DMD: variants seen among roughly 807,000 people sequenced by gnomAD.
DMD encodes the protein mutant dystrophin.
In DMD, 63 loss-of-function variants were observed where a neutral mutation model predicts 330.1. The observed-to-expected ratio is 0.19, with a 90% CI of 0.16 to 0.24. The LOEUF (loss-of-function observed/expected upper bound fraction) is 0.24, where lower values mean the gene tolerates loss of function less well. Among genes scored for constraint, DMD ranks in the 10% least tolerant of loss-of-function variants. The probability of loss-of-function intolerance (pLI) is 1.00; values close to 1 mark genes in which losing one functional copy is unlikely to be tolerated. For synonymous variants in DMD, 1,223 were observed against 959.8 expected, an observed-to-expected ratio of 1.27 and a Z score of -5.07; for missense variants, 3,344 against 2,684.1, an observed-to-expected ratio of 1.25 and a Z score of -5.43.
chrX:31,913,468 T>C (rs932878736), intron 47 of DMD, among the ~76,000 whole-genome samples: 3 of 112,145 alleles, frequency 2.7e-5, no homozygotes, highest in African/African-American at 9.7e-5. Context: ...CCTGCTCTTA[T>C]GTGAATATAC....
At chrX:32,399,659 G>C (rs1317078618) in intron 30 of DMD, among the ~76,000 whole-genome samples, 1 of 111,026 alleles carries the variant, frequency 9.0e-6, no homozygotes, top group African/African-American at 3.3e-5. Context: ...AACCACTATG[G>C]AAAACAAGTT....
chrX:33,288,314 G>A (rs769192945), intron 1 of DMD, among the ~76,000 whole-genome samples: 1 of 111,455 alleles, frequency 9.0e-6, no homozygotes, highest in South Asian at 3.8e-4. Context: ...CCATATTTCC[G>A]AATAGGTTAT....
chrX:31,285,101 A>G (rs2053097489), intron 62 of DMD, among the ~76,000 whole-genome samples: 1 of 112,082 alleles, frequency 8.9e-6, no homozygotes. Flanking sequence ...AAGAATGATC[A>G]TTAGATGATG....
chrX:31,444,499 G>A lies in DMD; in HGVS notation c.9066C>T (p.Thr3022=), dbSNP rs2065148005. The change falls in exon 60 of 79, where the codon ACC becomes ACT. Residue 3022 remains threonine (T), a synonymous_variant. Transcript: ENST00000357033. ...YNLSTLEDLN[T]RWKLLQVAVE... is the part of the protein sequence containing the mutation. ...TGCTTACCTGCAGAAGCTTCCATCT[G>A]GTGTTCAGGTCTTCCAGAGTGCTGA... The A allele has an allele frequency of 8.3e-7, 1 of 1,209,852 alleles. No homozygotes were observed. Among genetic ancestry groups the A allele is most frequent in the Admixed American group, 2.2e-5 (1 of 45,694 alleles).
intron 5 of DMD, among the ~76,000 whole-genome samples, chrX:32,819,501 A>C (rs2078043413): frequency 8.9e-6 from 1 of 111,806 alleles, no homozygotes; most frequent in Non-Finnish European, 1.9e-5. Flanking sequence ...GATGCCAAAC[A>C]CATGTTATAT....
At chrX:31,964,151 A>G (rs756288752) in intron 45 of DMD, among the ~76,000 whole-genome samples, 1 of 111,779 alleles carries the variant, frequency 8.9e-6, no homozygotes, top group South Asian at 3.7e-4. Context: ...CCTAACTTCC[A>G]GTTTACTAGA....
intron 13 of DMD, among the ~76,000 whole-genome samples, chrX:32,588,968 A>C (rs947944388): frequency 9.0e-6 from 1 of 111,332 alleles, no homozygotes; most frequent in African/African-American, 3.3e-5. Context: ...GTTGAGTTTG[A>C]AGTGTTGTTT....
chrX:33,257,255 A>T (rs2052873607), intron 1 of DMD, among the ~76,000 whole-genome samples: 1 of 111,081 alleles, frequency 9.0e-6, no homozygotes, highest in Non-Finnish European at 1.9e-5. Context: ...TTTTCTCAAT[A>T]TGGTAGTTGA....
At chrX:32,754,870 C>G (rs922530991) in intron 7 of DMD, 1 of 111,478 alleles carries the variant, frequency 9.0e-6, no homozygotes, top group Non-Finnish European at 1.9e-5. Flanking sequence ...GACTTCTGTG[C>G]CTCTTTCCCC....
intron 12 of DMD, among the ~76,000 whole-genome samples, chrX:32,605,079 C>T (rs1218078454): frequency 9.1e-6 from 1 of 110,294 alleles, no homozygotes; most frequent in Non-Finnish European, 1.9e-5. Flanking sequence ...CAAAAAAGAG[C>T]CCAAATAGTC....
chrX:33,058,185 C>T (rs1283602398), intron 1 of DMD, among the ~76,000 whole-genome samples: 1 of 111,511 alleles, frequency 9.0e-6, no homozygotes. Context: ...CAGTCTATAC[C>T]GCATTTTTAA....
chrX:32,568,280 C>T (rs1013669748), intron 15 of DMD, among the ~76,000 whole-genome samples: 6 of 111,399 alleles, frequency 5.4e-5, no homozygotes, highest in Admixed American at 9.5e-5. Flanking sequence ...GAGGCTGAGG[C>T]GGGCGGATCA....
At chrX:32,531,232 C>T (rs5972595) in intron 17 of DMD, among the ~76,000 whole-genome samples, 4,265 of 111,617 alleles carry the variant, frequency 0.038, 86 homozygotes, top group Non-Finnish European at 0.06. Context: ...CACAAAAGTA[C>T]CTTGAAGCCA....
chrX:31,212,228 C>G (rs1349722175), intron 64 of DMD, among the ~76,000 whole-genome samples: 1 of 105,510 alleles, frequency 9.5e-6, no homozygotes, highest in Non-Finnish European at 1.9e-5. Context: ...GTAGATATAT[C>G]TTTAAAGCTA....
chrX:31,548,532 T>C (rs893028563), intron 55 of DMD, among the ~76,000 whole-genome samples: 4 of 110,385 alleles, frequency 3.6e-5, no homozygotes, highest in African/African-American at 1.3e-4. Flanking sequence ...GAAGTCATTT[T>C]GGAAATTATG....
At chrX:33,130,959 C>T (rs1441857214) in intron 1 of DMD, among the ~76,000 whole-genome samples, 5 of 111,588 alleles carry the variant, frequency 4.5e-5, no homozygotes, top group Non-Finnish European at 9.4e-5. Flanking sequence ...TAATGTTATT[C>T]CTTAAACTCG....
intron 1 of DMD, among the ~76,000 whole-genome samples, chrX:33,218,139 T>C (rs1409349427): frequency 9.0e-6 from 1 of 111,664 alleles, no homozygotes; most frequent in Non-Finnish European, 1.9e-5. Flanking sequence ...GCTTTTATCA[T>C]AAATGGGGCA....
chrX:31,229,923 A>G (rs1473123727), intron 63 of DMD, among the ~76,000 whole-genome samples: 1 of 112,443 alleles, frequency 8.9e-6, no homozygotes, highest in African/African-American at 3.2e-5. Flanking sequence ...TTGGATCTTA[A>G]TGAGACTTCA....
intron 7 of DMD, among the ~76,000 whole-genome samples, chrX:32,724,800 C>T (rs1410474404): frequency 8.9e-6 from 1 of 111,886 alleles, no homozygotes; most frequent in African/African-American, 3.2e-5. Context: ...TCTTTCAGCT[C>T]TTTTTCTCAT....
Sources: allele counts gnomAD v4.1 joint callset (sites outside exome capture counted in the v4.1 genomes callset), GRCh38; gene constraint gnomAD v4.1.1; transcripts MANE v1.5; gene names NCBI Gene and HGNC (gene_info 2026-07-23, HGNC 2026-07-21).